The following ATP13A4 variants were observed in gnomAD, a reference collection of about 807,000 sequenced individuals.
ATP13A4 encodes the protein ATPase 13A4, also known as probable cation-transporting ATPase 13A4.
A neutral mutation model predicts 142.5 loss-of-function variants in ATP13A4; 114 were observed. That is an observed-to-expected ratio of 0.80 (90% CI 0.69 to 0.93). ATP13A4 has a LOEUF of 0.93. ATP13A4 is among the 40% of genes least tolerant of loss of function. ATP13A4 has a pLI of 0.00. For missense variants in ATP13A4, 1,392 were observed against 1,454.0 expected (o/e 0.96, Z 0.69); for synonymous variants, 488 against 514.8 (o/e 0.95, Z 0.70).
chr3:193,477,826 C>T (rs1318849847), intron 8 of ATP13A4, among the ~76,000 whole-genome samples: 2 of 151,968 alleles, frequency 1.3e-5, no homozygotes, highest in Non-Finnish European at 2.9e-5. Context: ...CGAAGATCTG[C>T]CGAGGGTCTC....
Position 193,467,298 on chromosome 3 carries a change from A to T in ATP13A4, c.1114+18T>A, listed in dbSNP as rs1200631161. On this transcript the variant is annotated intron_variant, in intron 10 of 29. Transcript: ENST00000342695. ...AAAAGTATACCATTAAAAATAAGAA[A>T]AAGGAGGGGATGCTAACCAGTCTGC... 1 of 1,613,992 alleles carries T rather than the reference A, an allele frequency of 6.2e-7. No homozygotes were observed.
chr3:193,532,822 A>G (rs1384330179), intron 1 of ATP13A4, among the ~76,000 whole-genome samples: 2 of 152,218 alleles, frequency 1.3e-5, no homozygotes, highest in Non-Finnish European at 2.9e-5. Flanking sequence ...GGGAGTAGTT[A>G]AGTAAATCAT....
intron 1 of ATP13A4, among the ~76,000 whole-genome samples, chr3:193,538,508 A>AC (rs1553857131): frequency 2.0e-5 from 3 of 151,604 alleles, no homozygotes; most frequent in Admixed American, 6.6e-5. Flanking sequence ...AAAAAAAAAA[A>AC]AAAAAACCCT....
intron 17 of ATP13A4, among the ~76,000 whole-genome samples, chr3:193,452,041 C>T (rs544650875): frequency 6.6e-6 from 1 of 152,326 alleles, no homozygotes; most frequent in East Asian, 1.9e-4. Context: ...CTGCGCGCCA[C>T]AGCCCTCACT....
intron 17 of ATP13A4, among the ~76,000 whole-genome samples, chr3:193,451,190 C>G (rs1029037630): frequency 6.6e-6 from 1 of 152,118 alleles, no homozygotes; most frequent in Non-Finnish European, 1.5e-5. Context: ...AATAGGTCTT[C>G]CAATCTTTCT....
intron 26 of ATP13A4, among the ~76,000 whole-genome samples, chr3:193,412,919 G>A (rs1714847285): frequency 6.6e-6 from 1 of 152,148 alleles, no homozygotes; most frequent in Admixed American, 6.5e-5. Flanking sequence ...AGCTACTGGG[G>A]AGGCTGAGGC....
At chr3:193,472,617 G>A (rs945642926) in intron 8 of ATP13A4, among the ~76,000 whole-genome samples, 2 of 152,192 alleles carry the variant, frequency 1.3e-5, no homozygotes, top group Non-Finnish European at 2.9e-5. Context: ...GTTGTGCGTC[G>A]CACCTCAAAC....
intron 1 of ATP13A4, among the ~76,000 whole-genome samples, chr3:193,586,096 CACACA>C (rs1724662622): frequency 6.0e-5 from 1 of 16,588 alleles, no homozygotes; most frequent in Non-Finnish European, 1.2e-4. Flanking sequence ...CACATACACA[CACACA>C]CACACACACA....
At chr3:193,561,652 T>A (rs1219210311) in intron 2 of ATP13A4, among the ~76,000 whole-genome samples, 1 of 152,178 alleles carries the variant, frequency 6.6e-6, no homozygotes, top group African/African-American at 2.4e-5. Context: ...CACCTCCTAG[T>A]ACTCAGACCC....
intron 1 of ATP13A4, among the ~76,000 whole-genome samples, chr3:193,544,099 G>A (rs1425925443): frequency 6.6e-6 from 1 of 152,144 alleles, no homozygotes; most frequent in East Asian, 1.9e-4. Flanking sequence ...CAGGAGACAG[G>A]CTCAACTTCC....
rs11919209 is a variant in ATP13A4 at position 193,442,796 on chromosome 3, T to A, written c.2153-240A>T. On this transcript the variant is annotated intron_variant, in intron 18 of 29. Coordinates refer to ENST00000342695, the MANE Select transcript of ATP13A4 (RefSeq NM_032279.4). ...ATTTTTGCCAGACTGGGGGAAAAAA[T>A]TAAAAAGCAAAATTCAAATCTATTT... Among the ~76,000 whole-genome samples the A allele has an allele frequency of 0.03, 4,636 of 152,222 alleles. 234 individuals are homozygous for A. Among genetic ancestry groups the A allele is most frequent in the African/African-American group, 0.1 (4,340 of 41,520 alleles).
At chr3:193,491,443 T>C in intron 5 of ATP13A4, 45 bp from the exon 6 acceptor site, 1 of 1,337,846 alleles carries the variant, frequency 7.5e-7, no homozygotes, top group South Asian at 1.2e-5. Context: ...ATAATAAAAT[T>C]AAAACTGACT....
At chr3:193,414,503 C>T (rs756627758) in intron 26 of ATP13A4, 76 bp downstream of exon 26, 136 of 1,547,126 alleles carry the variant, frequency 8.8e-5, no homozygotes, top group Non-Finnish European at 1.2e-4. Context: ...GACCCATGTG[C>T]CTCCCATCAT....
intron 25 of ATP13A4, among the ~76,000 whole-genome samples, chr3:193,430,899 T>C (rs1715933661): frequency 6.6e-6 from 1 of 152,038 alleles, no homozygotes; most frequent in Non-Finnish European, 1.5e-5. Context: ...TAAATGGGAA[T>C]GAGGAGAGGG....
intron 26 of ATP13A4, among the ~76,000 whole-genome samples, chr3:193,413,010 G>C (rs1014119623): frequency 3.3e-5 from 5 of 152,184 alleles, no homozygotes; most frequent in African/African-American, 1.2e-4. Flanking sequence ...GCAACAGAGA[G>C]AGACTCCATC....
intron 1 of ATP13A4, among the ~76,000 whole-genome samples, chr3:193,520,513 T>C (rs1721660425): frequency 6.6e-6 from 1 of 152,182 alleles, no homozygotes; most frequent in Non-Finnish European, 1.5e-5. Flanking sequence ...ATGCTAAAGG[T>C]AAGACTGAGT....
intron 13 of ATP13A4, among the ~76,000 whole-genome samples, chr3:193,460,697 G>A (rs182570006): frequency 2.2e-4 from 34 of 152,318 alleles, no homozygotes; most frequent in Middle Eastern, 3.4e-3. Flanking sequence ...TTTTTACTAT[G>A]AGACGTACAC....
At chr3:193,465,155 TAC>T in intron 11 of ATP13A4, 27 bp from the exon 12 acceptor site, 1 of 1,609,574 alleles carries the variant, frequency 6.2e-7, no homozygotes, top group Non-Finnish European at 8.5e-7. Context: ...CTTTAATTAT[TAC>T]AGACAAATCT....
chr3:193,488,880 C>G (rs1719786013), intron 7 of ATP13A4, among the ~76,000 whole-genome samples: 5 of 152,118 alleles, frequency 3.3e-5, no homozygotes, highest in Admixed American at 3.3e-4. Flanking sequence ...CATTCATGGA[C>G]TGCACAAGCA....
Sources: allele counts gnomAD v4.1 joint callset (sites outside exome capture counted in the v4.1 genomes callset), GRCh38; gene constraint gnomAD v4.1.1; transcripts MANE v1.5; gene names NCBI Gene and HGNC (gene_info 2026-07-23, HGNC 2026-07-21).